SGCZ: variants seen among roughly 807,000 people sequenced by gnomAD.
SGCZ encodes zeta-sarcoglycan.
In SGCZ, 40 loss-of-function variants were observed where a neutral mutation model predicts 41.3. The ratio of observed to expected loss-of-function variants is 0.97; its 90% CI spans 0.75 to 1.26. The LOEUF is 1.26. SGCZ is among the 50% of genes most tolerant of loss of function. SGCZ has a pLI of 0.00. For synonymous variants in SGCZ, 206 were observed against 137.5 expected (o/e 1.50, Z -3.49); for missense variants, 552 against 369.8 (o/e 1.49, Z -4.04).
At chr8:14,410,990 C>T (rs1352392338) in intron 2 of SGCZ, among the ~76,000 whole-genome samples, 1 of 151,978 alleles carries the variant, frequency 6.6e-6, no homozygotes, top group African/African-American at 2.4e-5. Flanking sequence ...ATTTTAAAAA[C>T]AAGATTCAGA....
At chr8:15,171,622 T>C (rs1240118401) in intron 1 of SGCZ, among the ~76,000 whole-genome samples, 1 of 152,230 alleles carries the variant, frequency 6.6e-6, no homozygotes, top group Non-Finnish European at 1.5e-5. Context: ...TTTATTCCTA[T>C]GAATTAGAAG....
At chr8:14,242,288 T>C in intron 3 of SGCZ, among the ~76,000 whole-genome samples, 1 of 152,172 alleles carries the variant, frequency 6.6e-6, no homozygotes. Flanking sequence ...GCAACCAACA[T>C]TTACTGGCCC....
chr8:14,257,185 G>T (rs13273128), intron 3 of SGCZ, among the ~76,000 whole-genome samples: 32,029 of 151,744 alleles, frequency 0.21, 4,480 homozygotes, highest in Non-Finnish European at 0.31. Flanking sequence ...AAATTAGCTA[G>T]GTGTGCTGGT....
intron 1 of SGCZ, among the ~76,000 whole-genome samples, chr8:14,891,921 A>T (rs971708431): frequency 1.3e-5 from 2 of 152,206 alleles, no homozygotes; most frequent in African/African-American, 2.4e-5. Context: ...GTAATTTTTT[A>T]AAATTATGGT....
At chr8:14,324,844 A>T (rs1426995376) in intron 2 of SGCZ, among the ~76,000 whole-genome samples, 1 of 152,176 alleles carries the variant, frequency 6.6e-6, no homozygotes, top group Non-Finnish European at 1.5e-5. Flanking sequence ...ATCTGATAAG[A>T]TAGTAAACCA....
chr8:14,494,739 G>A (rs1801941773), intron 2 of SGCZ, among the ~76,000 whole-genome samples: 1 of 152,188 alleles, frequency 6.6e-6, no homozygotes, highest in South Asian at 2.1e-4. Flanking sequence ...CAGTAGACTT[G>A]TGACTGTTTG....
chr8:14,391,229 A>G (rs999931618), intron 2 of SGCZ, among the ~76,000 whole-genome samples: 3 of 152,254 alleles, frequency 2.0e-5, no homozygotes, highest in South Asian at 4.1e-4. Flanking sequence ...GTCATCATCA[A>G]TGAAAACATT....
At chr8:15,041,888 T>G (rs1804111256) in intron 1 of SGCZ, among the ~76,000 whole-genome samples, 5 of 152,184 alleles carry the variant, frequency 3.3e-5, no homozygotes, top group Admixed American at 2.6e-4. Flanking sequence ...ATTCTGTTGA[T>G]TTTTAGGTCT....
At chr8:14,975,130 C>T (rs1364175669) in intron 1 of SGCZ, among the ~76,000 whole-genome samples, 1 of 152,014 alleles carries the variant, frequency 6.6e-6, no homozygotes, top group African/African-American at 2.4e-5. Context: ...CATGGTGAAA[C>T]CGCGTCTCTA....
At chr8:14,677,244 C>T (rs1585175099) in intron 1 of SGCZ, among the ~76,000 whole-genome samples, 1 of 151,764 alleles carries the variant, frequency 6.6e-6, no homozygotes, top group South Asian at 2.1e-4. Flanking sequence ...AGAAGTAAAT[C>T]TAGAAAAATA....
At chr8:14,399,825 T>G (rs1232643858) in intron 2 of SGCZ, among the ~76,000 whole-genome samples, 1 of 152,152 alleles carries the variant, frequency 6.6e-6, no homozygotes, top group East Asian at 1.9e-4. Flanking sequence ...AATTTGATTT[T>G]TAACATCCTT....
At chr8:14,733,068 C>A (rs1312038471) in intron 1 of SGCZ, among the ~76,000 whole-genome samples, 2 of 152,118 alleles carry the variant, frequency 1.3e-5, no homozygotes, top group Non-Finnish European at 2.9e-5. Flanking sequence ...AGACAGTAAA[C>A]GACTCACCTG....
chr8:14,500,726 G>T (rs1308648740), intron 2 of SGCZ, among the ~76,000 whole-genome samples: 1 of 151,916 alleles, frequency 6.6e-6, no homozygotes, highest in East Asian at 1.9e-4. Context: ...ATTACTATCA[G>T]CCACTAAGAC....
chr8:14,618,199 C>T (rs6995144), intron 1 of SGCZ, among the ~76,000 whole-genome samples: 145,365 of 152,244 alleles, frequency 0.95, 69,491 homozygotes, highest in South Asian at 0.99. Flanking sequence ...TATTTTATAA[C>T]GAAAGACATA....
chr8:14,759,511 T>TA (rs1203658678), intron 1 of SGCZ, among the ~76,000 whole-genome samples: 26 of 152,300 alleles, frequency 1.7e-4, no homozygotes, highest in African/African-American at 6.0e-4. Flanking sequence ...AAAAGATCAT[T>TA]AAAAGTTCAC....
chr8:14,520,124 G>A (rs1310792012), intron 2 of SGCZ, among the ~76,000 whole-genome samples: 2 of 151,984 alleles, frequency 1.3e-5, no homozygotes, highest in African/African-American at 4.8e-5. Context: ...AATACATCCT[G>A]CCAAGTCCTC....
intron 1 of SGCZ, among the ~76,000 whole-genome samples, chr8:15,133,201 C>T (rs185349886): frequency 6.6e-6 from 1 of 151,712 alleles, no homozygotes; most frequent in African/African-American, 2.4e-5. Flanking sequence ...TACCTAATTT[C>T]CCAAGTAACA....
At chr8:14,291,779 T>C (rs1159942832) in intron 3 of SGCZ, among the ~76,000 whole-genome samples, 1 of 152,036 alleles carries the variant, frequency 6.6e-6, no homozygotes, top group Non-Finnish European at 1.5e-5. Flanking sequence ...CTTTAGGATT[T>C]AAAGAAAACT....
chr8:14,450,823 G>A (rs1403058079), intron 2 of SGCZ, among the ~76,000 whole-genome samples: 3 of 152,098 alleles, frequency 2.0e-5, no homozygotes, highest in Non-Finnish European at 4.4e-5. Flanking sequence ...AGAATTACCT[G>A]GGCTTCAGCT....
Sources: gnomAD v4.1 joint callset for allele counts (sites outside exome capture counted in the v4.1 genomes callset) on GRCh38, gnomAD v4.1.1 for gene constraint, MANE v1.5 for transcripts, NCBI Gene and HGNC (gene_info 2026-07-23, HGNC 2026-07-21) for gene names.